The following TVP23C variants were observed in gnomAD, a reference collection of about 807,000 sequenced individuals.
TVP23C encodes trans-golgi network vesicle protein 23 homolog C, also known as Golgi apparatus membrane protein TVP23 homolog C.
Under a neutral mutation model 28.7 loss-of-function variants are expected in TVP23C, and 19 were observed. That is an observed-to-expected ratio of 0.66 (90% CI 0.46 to 0.97). The LOEUF is 0.97. TVP23C is among the 50% of genes least tolerant of loss of function. TVP23C has a pLI of 0.00. For synonymous variants in TVP23C, 68 were observed against 81.7 expected, an observed-to-expected ratio of 0.83 and a Z score of 0.90; for missense variants, 186 against 241.3, an observed-to-expected ratio of 0.77 and a Z score of 1.52.
downstream of TVP23C, among the ~76,000 whole-genome samples, chr17:15,534,284 TTGTTAACCACA>T (rs1176617965): frequency 4.6e-5 from 7 of 152,094 alleles, no homozygotes; most frequent in Non-Finnish European, 8.8e-5. Context: ...TCATTGGCCA[TTGTTAACCACA>T]TGGCCTCAAA....
exon 6 of TVP23C, chr17:15,503,167 G>A (rs891876675): frequency 3.1e-6 from 5 of 1,587,646 alleles, no homozygotes; most frequent in Non-Finnish European, 4.3e-6. Context: ...TTTGGAAGGC[G>A]GAAGCGGGAG....
intron 5 of TVP23C, among the ~76,000 whole-genome samples, chr17:15,541,700 T>C (rs1474260126): frequency 6.6e-6 from 1 of 152,072 alleles, no homozygotes. Flanking sequence ...GAAGAGGAGG[T>C]GGTACTTTCT....
At position 15,538,809 on chromosome 17, in the gene TVP23C, A is replaced by T. The variant is rs567661605; in HGVS notation, c.*1603T>A. The T allele has an allele frequency of 5.2e-4, 515 of 985,402 alleles. 2 individuals are homozygous for T. The African/African-American group carries it at 8.5e-3, about 16-fold the overall frequency. The allele number at this position is 985,402 out of a possible 1,614,324, so 61.0% of individuals were successfully genotyped here. ...AACACTGAAAATTCTAACGAAAAAA[A>T]CCTAATAAGCACATACATGAAAGTT... On this transcript the variant is annotated 3_prime_UTR_variant, in exon 6 of 6. Coordinates refer to ENST00000518321, the MANE Select transcript of TVP23C (RefSeq NM_001135036.2).
chr17:15,531,366 C>A (rs1982943927), intron 5 of TVP23C, among the ~76,000 whole-genome samples: 1 of 152,164 alleles, frequency 6.6e-6, no homozygotes, highest in South Asian at 2.1e-4. Context: ...GAAGTCTCAG[C>A]CATTATTTCC....
intron 5 of TVP23C, among the ~76,000 whole-genome samples, chr17:15,519,652 T>C (rs1982387506): frequency 6.6e-6 from 1 of 152,196 alleles, no homozygotes; most frequent in African/African-American, 2.4e-5. Context: ...GGCTCACACC[T>C]GTAATCCCAG....
Position 15,539,009 on chromosome 17 carries a change from GATC to G in TVP23C, c.*1400_*1402del. 2.0e-6 allele frequency: 2 copies of G among 985,420 alleles called. No individual in the cohort carries two copies. Among genetic ancestry groups the G allele is most frequent in the Non-Finnish European group, 2.4e-6 (2 of 829,654 alleles). 61.0% of individuals were successfully genotyped at this position (985,420 alleles called of 1,614,324 possible). On this transcript the variant is annotated 3_prime_UTR_variant, in exon 6 of 6. Coordinates refer to ENST00000518321, the MANE Select transcript of TVP23C (RefSeq NM_001135036.2). ...TTTGAGTACAGAGGGCTGGGTTTAA[GATC>G]TAGCTTTGTACCACTATTAGCTGTA...
intron 3 of TVP23C, among the ~76,000 whole-genome samples, chr17:15,552,361 C>G (rs1983930245): frequency 6.6e-6 from 1 of 152,164 alleles, no homozygotes. Context: ...TGGCCATCAC[C>G]AAGCCAACCA....
intron 5 of TVP23C, among the ~76,000 whole-genome samples, chr17:15,525,354 C>T (rs2150838612): frequency 6.6e-6 from 1 of 152,300 alleles, no homozygotes; most frequent in Middle Eastern, 3.4e-3. Flanking sequence ...TTGGCTAGTA[C>T]TGAGTTATTT....
intron 5 of TVP23C, among the ~76,000 whole-genome samples, chr17:15,530,114 G>C (rs1982894147): frequency 6.6e-6 from 1 of 152,084 alleles, no homozygotes; most frequent in African/African-American, 2.4e-5. Flanking sequence ...TCTGTCTTTT[G>C]ACTGAATTAT....
exon 6 of TVP23C, chr17:15,502,639 A>T: frequency 2.8e-6 from 2 of 715,472 alleles, no homozygotes; most frequent in Non-Finnish European, 4.1e-6. Flanking sequence ...GGACGCTTGC[A>T]GGGACCACGC....
Position 15,540,192 on chromosome 17 carries a change from A to T in TVP23C, c.*220T>A. The T allele has an allele frequency of 3.2e-6, 4 of 1,268,776 alleles. No individual in the cohort carries two copies. The highest frequency in any genetic ancestry group is 4.0e-6 in the Non-Finnish European group (4 of 1,006,542). 78.6% of individuals were successfully genotyped at this position (1,268,776 alleles called of 1,614,324 possible). On this transcript the variant is annotated 3_prime_UTR_variant, in exon 6 of 6. Coordinates refer to ENST00000518321, the MANE Select transcript of TVP23C (RefSeq NM_001135036.2). Reference sequence around the variant, plus strand: ...ACAACTGAACTTAAAAGTAATTTTTAAAAAATAAGTTATTATCAATGATAG... The same window carrying T: ...ACAACTGAACTTAAAAGTAATTTTTTAAAAATAAGTTATTATCAATGATAG...
chr17:15,521,297 G>T (rs1982465637), intron 5 of TVP23C, among the ~76,000 whole-genome samples: 1 of 152,124 alleles, frequency 6.6e-6, no homozygotes, highest in South Asian at 2.1e-4. Flanking sequence ...AAGGTCAGGA[G>T]ATCAAGACCA....
intron 5 of TVP23C, among the ~76,000 whole-genome samples, chr17:15,505,812 C>T (rs1233019596): frequency 1.3e-5 from 2 of 152,210 alleles, no homozygotes; most frequent in African/African-American, 4.8e-5. Flanking sequence ...GCCCTGCTGC[C>T]CCGGGCAATG....
chr17:15,533,675 G>C (rs931632667), downstream of TVP23C, among the ~76,000 whole-genome samples: 1 of 152,122 alleles, frequency 6.6e-6, no homozygotes. Context: ...ACACACCATG[G>C]GGAACCATGG....
chr17:15,527,007 G>T (rs900638793), intron 5 of TVP23C, among the ~76,000 whole-genome samples: 3 of 152,080 alleles, frequency 2.0e-5, no homozygotes, highest in African/African-American at 7.2e-5. Context: ...AACCAAAATG[G>T]AGTTACTCAC....
rs1981509352 is a variant in TVP23C at position 15,502,733 on chromosome 17, T to TCTCTCCTTCTCCGTCACTCTCTTCCCTCC, written c.*130_*131insGGAGGGAAGAGAGTGACGGAGAAGGAGAG. 6 of 962,242 alleles carry TCTCTCCTTCTCCGTCACTCTCTTCCCTCC rather than the reference T, an allele frequency of 6.2e-6. No individual in the cohort carries two copies. In the East Asian group the frequency reaches 2.0e-4, roughly 32 times the overall value. The allele number at this position is 962,242 out of a possible 1,614,324, so 59.6% of individuals were successfully genotyped here. On this transcript the variant is annotated 3_prime_UTR_variant, in exon 6 of 6. Coordinates refer to the TVP23C transcript ENST00000225576. ...TTTCTCTCTCTCCTCTCTCTCTCTT[T>TCTCTCCTTCTCCGTCACTCTCTTCCCTCC]CTCTCTCCTCTCTCCCGTCTCTTTC...
At chr17:15,543,634 G>GCA (rs895265105) in intron 5 of TVP23C, among the ~76,000 whole-genome samples, 4 of 151,016 alleles carry the variant, frequency 2.6e-5, no homozygotes, top group Non-Finnish European at 4.4e-5. Context: ...TCTCTCCTCT[G>GCA]CACTCTCTAC....
intron 5 of TVP23C, among the ~76,000 whole-genome samples, chr17:15,524,043 T>C (rs1185610778): frequency 6.6e-6 from 1 of 150,796 alleles, no homozygotes; most frequent in Admixed American, 6.6e-5. Context: ...AAAGTGTTTG[T>C]TGTGGTTGTA....
At chr17:15,504,621 G>A (rs561270456) in intron 5 of TVP23C, among the ~76,000 whole-genome samples, 21 of 152,070 alleles carry the variant, frequency 1.4e-4, no homozygotes, top group Non-Finnish European at 2.4e-4. Flanking sequence ...AGAGTGCAGT[G>A]GGGTGATCAC....
Sources: gnomAD v4.1 joint callset for allele counts (sites outside exome capture counted in the v4.1 genomes callset) on GRCh38, gnomAD v4.1.1 for gene constraint, MANE v1.5 for transcripts, NCBI Gene and HGNC (gene_info 2026-07-23, HGNC 2026-07-21) for gene names.